The following RARB variants were observed in gnomAD, a reference collection of about 807,000 sequenced individuals.
RARB encodes the protein HBV-activated protein.
In RARB, 17 loss-of-function variants were observed where a neutral mutation model predicts 51.9. The ratio of observed to expected loss-of-function variants is 0.33; its 90% CI spans 0.22 to 0.49. The LOEUF (loss-of-function observed/expected upper bound fraction) is 0.49. RARB is among the 20% of genes least tolerant of loss of function. RARB has a pLI of 0.99. For missense variants in RARB, 369 were observed against 550.8 expected (o/e 0.67, Z 3.30); for synonymous variants, 215 against 195.4 (o/e 1.10, Z -0.84).
intron 5 of RARB, among the ~76,000 whole-genome samples, chr3:25,591,409 C>T (rs1023619579): frequency 6.6e-6 from 1 of 152,124 alleles, no homozygotes; most frequent in Admixed American, 6.5e-5. Flanking sequence ...AGGCCGATAT[C>T]GAAATCAGTA....
chr3:24,997,179 C>A (rs1241688899), intron 2 of RARB, among the ~76,000 whole-genome samples: 1 of 152,108 alleles, frequency 6.6e-6, no homozygotes, highest in Non-Finnish European at 1.5e-5. Context: ...GTTATGTTCT[C>A]ATGCTGAACT....
At chr3:24,967,033 T>A (rs4858672) in intron 2 of RARB, among the ~76,000 whole-genome samples, 73,275 of 151,918 alleles carry the variant, frequency 0.48, 18,081 homozygotes, top group Admixed American at 0.59. Flanking sequence ...TTATTTACTT[T>A]GTGTAGTTTT....
chr3:25,183,012 C>T (rs1324862981), intron 5 of RARB, among the ~76,000 whole-genome samples: 2 of 152,074 alleles, frequency 1.3e-5, no homozygotes, highest in Non-Finnish European at 2.9e-5. Context: ...TAGAAGGAGG[C>T]AACCCTGCCA....
upstream of RARB, among the ~76,000 whole-genome samples, chr3:25,423,374 A>G (rs898081321): frequency 1.3e-5 from 2 of 152,232 alleles, no homozygotes; most frequent in Non-Finnish European, 2.9e-5. Flanking sequence ...CAGAGATTCT[A>G]ACTTATTTTT....
intron 3 of RARB, among the ~76,000 whole-genome samples, chr3:25,522,043 C>T (rs1304089744): frequency 1.3e-5 from 2 of 151,756 alleles, no homozygotes; most frequent in East Asian, 3.9e-4. Context: ...TTTGTCATGG[C>T]GTGCTATAAA....
At chr3:24,957,408 C>T (rs765226625) in intron 2 of RARB, among the ~76,000 whole-genome samples, 5 of 152,080 alleles carry the variant, frequency 3.3e-5, no homozygotes, top group Admixed American at 6.6e-5. Flanking sequence ...CCCTAGCTGA[C>T]GACAGCCCAT....
intron 5 of RARB, among the ~76,000 whole-genome samples, chr3:25,298,945 T>C (rs1206134498): frequency 6.6e-6 from 1 of 152,128 alleles, no homozygotes; most frequent in East Asian, 1.9e-4. Context: ...AAGACTCCCT[T>C]GTATGATTAT....
intron 5 of RARB, among the ~76,000 whole-genome samples, chr3:25,216,675 C>G (rs138521758): frequency 6.6e-6 from 1 of 151,212 alleles, no homozygotes. Context: ...TGCAACAAAT[C>G]TGCACATTCT....
intron 2 of RARB, among the ~76,000 whole-genome samples, chr3:25,047,151 A>T (rs1254769807): frequency 6.6e-6 from 1 of 152,184 alleles, no homozygotes; most frequent in Non-Finnish European, 1.5e-5. Context: ...TTTACAGATT[A>T]CTTACAGAAA....
intron 2 of RARB, among the ~76,000 whole-genome samples, chr3:24,925,427 G>T (rs1695298153): frequency 6.6e-6 from 1 of 151,930 alleles, no homozygotes; most frequent in Non-Finnish European, 1.5e-5. Flanking sequence ...AGGGTTGCAT[G>T]AGCTCAGGAA....
At chr3:24,867,828 A>G (rs1412480564) in intron 2 of RARB, among the ~76,000 whole-genome samples, 1 of 152,152 alleles carries the variant, frequency 6.6e-6, no homozygotes, top group Non-Finnish European at 1.5e-5. Context: ...AAAAGCCCAC[A>G]AAAACAACAA....
At chr3:25,132,352 T>C (rs1470003667) in intron 4 of RARB, among the ~76,000 whole-genome samples, 1 of 151,936 alleles carries the variant, frequency 6.6e-6, no homozygotes, top group Non-Finnish European at 1.5e-5. Flanking sequence ...ATTATTGCAT[T>C]TGAACATCAC....
At chr3:25,334,023 G>A (rs529921972) in intron 5 of RARB, among the ~76,000 whole-genome samples, 124 of 152,190 alleles carry the variant, frequency 8.1e-4, no homozygotes, top group African/African-American at 2.7e-3. Flanking sequence ...AAAAGTCAGG[G>A]AACAACAGGT....
intron 2 of RARB, among the ~76,000 whole-genome samples, chr3:24,914,271 G>A (rs1345315004): frequency 6.6e-6 from 1 of 152,094 alleles, no homozygotes; most frequent in Non-Finnish European, 1.5e-5. Context: ...TTTCCATGTC[G>A]TACCTGTGGC....
At chr3:25,322,097 G>A (rs375061088) in intron 5 of RARB, among the ~76,000 whole-genome samples, 92 of 151,852 alleles carry the variant, frequency 6.1e-4, no homozygotes, top group Middle Eastern at 3.4e-3. Context: ...TACTGGAGTA[G>A]CAAGATGAAT....
chr3:25,588,944 G>A (rs1390885279), intron 5 of RARB, among the ~76,000 whole-genome samples: 4 of 152,142 alleles, frequency 2.6e-5, no homozygotes, highest in Non-Finnish European at 5.9e-5. Flanking sequence ...TATTCTATTT[G>A]TTAAAAGCAA....
chr3:24,945,942 A>G (rs546486474), intron 2 of RARB, among the ~76,000 whole-genome samples: 2 of 152,330 alleles, frequency 1.3e-5, no homozygotes, highest in African/African-American at 2.4e-5. Context: ...CACTGACTCT[A>G]ATGTCTCAAA....
intron 5 of RARB, among the ~76,000 whole-genome samples, chr3:25,320,420 A>G (rs531225603): frequency 1.3e-5 from 2 of 152,158 alleles, no homozygotes; most frequent in Non-Finnish European, 2.9e-5. Context: ...GATCCATGCT[A>G]TTTGACTGCA....
chr3:25,147,050 C>T (rs1700205149), intron 4 of RARB, among the ~76,000 whole-genome samples: 1 of 152,098 alleles, frequency 6.6e-6, no homozygotes. Flanking sequence ...TATCCAAGCT[C>T]TCCAGATGAT....
Sources: gnomAD v4.1 joint callset for allele counts (sites outside exome capture counted in the v4.1 genomes callset) on GRCh38, gnomAD v4.1.1 for gene constraint, MANE v1.5 for transcripts, NCBI Gene and HGNC (gene_info 2026-07-23, HGNC 2026-07-21) for gene names.